The following ZNF157 variants were observed in gnomAD, a reference collection of about 807,000 sequenced individuals.
ZNF157 encodes zinc finger protein 22.
ZNF157 carries 8 observed loss-of-function variants against 9.4 expected under a neutral mutation model. The observed-to-expected ratio is 0.85, with a 90% CI of 0.50 to 1.53. ZNF157 has a LOEUF of 1.53. Ranked by LOEUF, ZNF157 falls within the 40% of genes most tolerant of loss-of-function variation. The pLI is 0.00. For missense variants in ZNF157, 316 were observed against 385.2 expected (o/e 0.82, Z 1.50); for synonymous variants, 120 against 130.8 (o/e 0.92, Z 0.56).
intron 1 of ZNF157, among the ~76,000 whole-genome samples, chrX:47,404,572 C>T (rs2055941166): frequency 9.0e-6 from 1 of 110,894 alleles, no homozygotes; most frequent in Non-Finnish European, 1.9e-5. Context: ...CAGAAATGGA[C>T]TCGACAGCAG....
At chrX:47,392,499 C>G (rs2055900371) in intron 1 of ZNF157, among the ~76,000 whole-genome samples, 2 of 111,667 alleles carry the variant, frequency 1.8e-5, no homozygotes, top group Admixed American at 1.9e-4. Context: ...CCAAATAACA[C>G]CCAGGTAACA....
intron 1 of ZNF157, among the ~76,000 whole-genome samples, chrX:47,402,685 GC>G (rs916443889): frequency 9.3e-6 from 1 of 107,567 alleles, no homozygotes; most frequent in Admixed American, 1.0e-4. Flanking sequence ...GTCTACAGGC[GC>G]CCGCCACCAC....
rs765276487 is a variant in ZNF157 at position 47,405,451 on chromosome X, C to A, written c.73-4825C>A. On this transcript the variant is annotated intron_variant, in intron 1 of 3. Transcript: ENST00000377073. ...CATGTTCCAATCACTTCCCAGCAGG[C>A]CCCTCCTCCAACGCTGAAGATCATA... is the stretch of plus-strand genomic sequence containing the variant. Among the ~76,000 whole-genome samples the A allele has an allele frequency of 1.5e-4, 16 of 109,990 alleles. No homozygotes were observed. In the East Asian group the frequency reaches 4.6e-3, roughly 31 times the overall value.
intron 1 of ZNF157, among the ~76,000 whole-genome samples, chrX:47,404,004 T>C (rs896839364): frequency 9.1e-6 from 1 of 109,947 alleles, no homozygotes; most frequent in Non-Finnish European, 1.9e-5. Context: ...ACCCTGTCTC[T>C]ACTAAAAATA....
intron 1 of ZNF157, among the ~76,000 whole-genome samples, chrX:47,399,573 A>G (rs758659235): frequency 8.9e-6 from 1 of 112,103 alleles, no homozygotes; most frequent in Non-Finnish European, 1.9e-5. Context: ...CTCGGAATCT[A>G]TCTAGCAAGA....
chrX:47,393,433 C>T (rs1456056240), intron 1 of ZNF157, among the ~76,000 whole-genome samples: 1 of 111,842 alleles, frequency 8.9e-6, no homozygotes, highest in African/African-American at 3.2e-5. Context: ...TGTATGTGTT[C>T]GTATTAGAGA....
chrX:47,378,123 G>A (rs1431980201), intron 1 of ZNF157, among the ~76,000 whole-genome samples: 1 of 110,653 alleles, frequency 9.0e-6, no homozygotes, highest in Non-Finnish European at 1.9e-5. Context: ...GTTGGGGATC[G>A]GAGTTTTTAA....
chrX:47,374,658 C>T (rs1474258736), intron 1 of ZNF157, among the ~76,000 whole-genome samples: 1 of 105,751 alleles, frequency 9.5e-6, no homozygotes, highest in African/African-American at 3.5e-5. Flanking sequence ...CCTTGGCCTC[C>T]CAAAATGCTG....
intron 1 of ZNF157, among the ~76,000 whole-genome samples, chrX:47,398,348 C>T (rs753525775): frequency 3.0e-4 from 33 of 111,651 alleles, no homozygotes; most frequent in Admixed American, 6.7e-4. Flanking sequence ...ATTCCATGAG[C>T]ATGGTCCCAT....
Position 47,413,783 on chromosome X carries a change from A to G in ZNF157, c.*189A>G. 1 of 720,083 alleles carries G rather than the reference A, an allele frequency of 1.4e-6. No homozygotes were observed. The allele number at this position is 720,083 out of a possible 1,213,427, so 59.3% of individuals were successfully genotyped here. On this transcript the variant is annotated 3_prime_UTR_variant, in exon 4 of 4. Transcript: ENST00000377073. ...TGAACATCTTATCTGTTGATTGGCT[A>G]TTTGGGTTTTTTCTTCTGTGCATTG...
At chrX:47,407,296 A>G (rs1363101788) in intron 1 of ZNF157, among the ~76,000 whole-genome samples, 1 of 112,010 alleles carries the variant, frequency 8.9e-6, no homozygotes, top group Non-Finnish European at 1.9e-5. Context: ...TTGGACTGCA[A>G]TTTTCTTTTC....
At chrX:47,409,167 C>T (rs2055955854) in intron 1 of ZNF157, among the ~76,000 whole-genome samples, 1 of 111,297 alleles carries the variant, frequency 9.0e-6, no homozygotes, top group Non-Finnish European at 1.9e-5. Context: ...ATAAACACTC[C>T]AAAGTCTATC....
At chrX:47,389,002 G>T (rs963220201) in intron 1 of ZNF157, among the ~76,000 whole-genome samples, 8 of 108,566 alleles carry the variant, frequency 7.4e-5, no homozygotes, top group African/African-American at 2.7e-4. Flanking sequence ...GTAGAGACAG[G>T]GTTTTACCAT....
intron 1 of ZNF157, among the ~76,000 whole-genome samples, chrX:47,378,421 A>C (rs2147400959): frequency 8.9e-6 from 1 of 112,146 alleles, no homozygotes; most frequent in African/African-American, 3.2e-5. Context: ...CATGACTCCT[A>C]AATCATTACT....
chrX:47,377,585 C>A (rs2055848550), intron 1 of ZNF157, among the ~76,000 whole-genome samples: 1 of 109,837 alleles, frequency 9.1e-6, no homozygotes, highest in African/African-American at 3.3e-5. Flanking sequence ...GCATGTGCCA[C>A]CATGCCTGGC....
At chrX:47,400,269 G>A (rs2055926866) in intron 1 of ZNF157, among the ~76,000 whole-genome samples, 1 of 111,217 alleles carries the variant, frequency 9.0e-6, no homozygotes, top group South Asian at 3.8e-4. Context: ...CCAAAGTGCT[G>A]GGATTACAGG....
intron 1 of ZNF157, among the ~76,000 whole-genome samples, chrX:47,387,350 C>T (rs184090613): frequency 3.7e-5 from 4 of 109,561 alleles, no homozygotes; most frequent in African/African-American, 9.9e-5. Context: ...CTCGAACTCC[C>T]GACCTCAGGT....
In ZNF157 at chrX:47,374,169, C is replaced by G. The variant is rs186134441; in HGVS notation, c.72+3429C>G. On this transcript the variant is annotated intron_variant, in intron 1 of 3. Transcript: ENST00000377073. The stretch of plus-strand genomic sequence containing the variant: ...GATGCTATATCCTGGCAGATAGTGT[C>G]AGAATGGAATTGAATTGGAGGACAC... Among the ~76,000 whole-genome samples, 176 of 110,630 alleles carry G rather than the reference C, an allele frequency of 1.6e-3. 1 individual carries two copies. The highest frequency in any genetic ancestry group is 5.3e-3 in the African/African-American group (162 of 30,502).
chrX:47,374,702 C>CT (rs869212909), intron 1 of ZNF157, among the ~76,000 whole-genome samples: 15,481 of 56,620 alleles, frequency 0.27, 3,080 homozygotes, highest in African/African-American at 0.4. Flanking sequence ...GCCCAGCAAT[C>CT]TTTTTTTTTT....
Sources: gnomAD v4.1 joint callset for allele counts (sites outside exome capture counted in the v4.1 genomes callset) on GRCh38, gnomAD v4.1.1 for gene constraint, MANE v1.5 for transcripts, NCBI Gene and HGNC (gene_info 2026-07-23, HGNC 2026-07-21) for gene names.